NID1: variants seen among roughly 807,000 people sequenced by gnomAD.
NID1 encodes the protein nidogen-1.
Under a neutral mutation model 130.6 loss-of-function variants are expected in NID1, and 76 were observed. The ratio of observed to expected loss-of-function variants is 0.58; its 90% CI spans 0.48 to 0.70. NID1 has a LOEUF of 0.70. Among genes scored for constraint, NID1 ranks in the 30% least tolerant of loss-of-function variants. The probability of loss-of-function intolerance (pLI) is 0.00; values close to 1 mark genes in which losing one functional copy is unlikely to be tolerated. For synonymous variants in NID1, 665 were observed against 675.1 expected, an observed-to-expected ratio of 0.98 and a Z score of 0.23; for missense variants, 1,517 against 1,664.8, an observed-to-expected ratio of 0.91 and a Z score of 1.54.
intron 9 of NID1, 76 bp downstream of exon 9, chr1:236,023,994 C>A: frequency 6.3e-7 from 1 of 1,576,170 alleles, no homozygotes; most frequent in Non-Finnish European, 8.6e-7. Flanking sequence ...GCACCCAGTT[C>A]TCTGGTTTAC....
intron 10 of NID1, among the ~76,000 whole-genome samples, chr1:236,015,077 C>G (rs546231308): frequency 6.6e-6 from 1 of 152,344 alleles, no homozygotes; most frequent in African/African-American, 2.4e-5. Flanking sequence ...GCCTGAGCCC[C>G]CAGCCCCTCA....
At chr1:236,025,591 G>C (rs978108281) in intron 8 of NID1, among the ~76,000 whole-genome samples, 1 of 152,132 alleles carries the variant, frequency 6.6e-6, no homozygotes, top group African/African-American at 2.4e-5. Flanking sequence ...GAATATTAAA[G>C]GGTTTTAAAA....
intron 5 of NID1, among the ~76,000 whole-genome samples, chr1:236,034,266 C>G (rs112393396): frequency 0.023 from 3,464 of 151,760 alleles, 123 homozygotes; most frequent in African/African-American, 0.076. Context: ...ACTAAAAATA[C>G]AAAAAATTAG....
chr1:236,048,831 G>A lies in NID1; in HGVS notation c.384C>T (p.Pro128=). 2 of 1,614,170 alleles carry A rather than the reference G, an allele frequency of 1.2e-6. No homozygotes were observed. Among genetic ancestry groups the A allele is most frequent in the Non-Finnish European group, 8.5e-7 (1 of 1,180,026 alleles). ...ACTCTGCTGCTCGCTGAGTGATGGA[G>A]GGGGATAAGTCTTCTCGATAATAAA... is the stretch of plus-strand genomic sequence containing the variant. ...GKVYYREDLS[P]SITQRAAECV... Residue 128 remains proline, a synonymous_variant, in exon 2 of 20, where the codon CCC becomes CCT. Coordinates refer to ENST00000264187, the MANE Select transcript of NID1 (RefSeq NM_002508.3).
chr1:236,049,335 C>A (rs998734627), intron 1 of NID1, among the ~76,000 whole-genome samples: 1 of 152,074 alleles, frequency 6.6e-6, no homozygotes, highest in African/African-American at 2.4e-5. Flanking sequence ...AAAAATTAGC[C>A]AGGCTTGGTA....
chr1:236,059,193 G>A (rs1010268600), intron 1 of NID1, among the ~76,000 whole-genome samples: 5 of 152,222 alleles, frequency 3.3e-5, no homozygotes, highest in Admixed American at 6.5e-5. Flanking sequence ...ACACTTGGCT[G>A]CCTAGTTTAG....
At position 235,985,450 on chromosome 1, in the gene NID1, G is replaced by A. The variant is rs761573061; in HGVS notation, c.2984C>T (p.Thr995Met). 3.7e-6 allele frequency: 6 copies of A among 1,613,950 alleles called. No individual in the cohort carries two copies. The highest frequency in any genetic ancestry group is 1.6e-4 in the Middle Eastern group (1 of 6,062). The change falls in exon 15 of 20, where the codon ACG becomes ATG. Residue 995 changes from threonine (T) to methionine (M), a missense_variant. Coordinates refer to ENST00000264187, the MANE Select transcript of NID1 (RefSeq NM_002508.3). ...CCCAATGGAAGGCTCAGTGATGTCCGTCCAGTAAACCATCTTGTCCACGCA... is the reference window on the plus strand; with the variant it reads ...CCCAATGGAAGGCTCAGTGATGTCCATCCAGTAAACCATCTTGTCCACGCA... ...FDCVDKMVYW[T>M]DITEPSIGRA...
intron 12 of NID1, 57 bp from the exon 13 acceptor site, chr1:235,993,929 C>A (rs1572582303): frequency 6.6e-7 from 1 of 1,525,410 alleles, no homozygotes; most frequent in Non-Finnish European, 8.9e-7. Context: ...TCAGCGCTCC[C>A]TGGCGGGGCT....
At chr1:236,004,973 G>A (rs1049956438) in intron 12 of NID1, among the ~76,000 whole-genome samples, 2 of 151,724 alleles carry the variant, frequency 1.3e-5, no homozygotes, top group South Asian at 2.1e-4. Context: ...TTGGGAGTTC[G>A]AGACCAGCCT....
rs57769010 is a variant in NID1, at chr1:236,063,153, C to CAA, written c.225+1700_225+1701dup. ...TGTGCAACAGAGTGAGACTTCATCT[C>CAA]AAAAAAAAAAAAAAAAAAAAAAGTA... is the stretch of plus-strand genomic sequence containing the variant. On this transcript the variant is annotated intron_variant, in intron 1 of 19. Transcript: ENST00000264187. 4.0e-3 allele frequency among the ~76,000 whole-genome samples: 321 copies of CAA among 79,502 alleles called. 10 individuals carry two copies. The highest frequency in any genetic ancestry group is 0.012 in the African/African-American group (195 of 15,704). 52.2% of individuals were successfully genotyped at this position (79,502 alleles called of 152,430 possible).
rs190705054 is a variant in NID1, at chr1:236,003,672, C to G, written c.2527+8249G>C. 2.2e-4 allele frequency among the ~76,000 whole-genome samples: 33 copies of G among 152,310 alleles called. 1 individual carries two copies. In the South Asian group the frequency reaches 3.7e-3, roughly 17 times the overall value. On this transcript the variant is annotated intron_variant, in intron 12 of 19. Transcript: ENST00000264187. ...ATCACTTGAGGCCAGGATTTCGAGA[C>G]AAGCCTGGCAAATATGGTGAAACCC...
chr1:235,986,686 T>C (rs1657584164), intron 14 of NID1, among the ~76,000 whole-genome samples: 1 of 152,208 alleles, frequency 6.6e-6, no homozygotes, highest in African/African-American at 2.4e-5. Context: ...GGTCTCGAAC[T>C]CCTGAGCTCA....
chr1:236,012,119 C>T, intron 11 of NID1, 76 bp from the exon 12 acceptor site: 2 of 1,565,296 alleles, frequency 1.3e-6, no homozygotes, highest in Non-Finnish European at 1.7e-6. Flanking sequence ...ATTTAAGCCA[C>T]TTACTCAAAT....
chr1:235,990,803 G>T, intron 14 of NID1, 83 bp downstream of exon 14: 2 of 1,491,476 alleles, frequency 1.3e-6, no homozygotes, highest in East Asian at 2.3e-5. Context: ...TTGAGCCTGG[G>T]GTTCTGGTCT....
In NID1 at chr1:236,061,609, G is replaced by A. The variant is rs77233049; in HGVS notation, c.225+3246C>T. On this transcript the variant is annotated intron_variant, in intron 1 of 19. Transcript: ENST00000264187. ...GCCTCCTGAGTAGCTGAGATTACAG[G>A]TGCACGCCACCACACCTGGCTGTTT... Among the ~76,000 whole-genome samples, 155 of 152,102 alleles carry A rather than the reference G, an allele frequency of 1.0e-3. 1 individual carries two copies. In the East Asian group the frequency reaches 0.024, roughly 23 times the overall value.
intron 15 of NID1, among the ~76,000 whole-genome samples, chr1:235,982,847 A>T (rs1410962149): frequency 6.6e-6 from 1 of 152,122 alleles, no homozygotes; most frequent in Non-Finnish European, 1.5e-5. Context: ...CTGGGGTATG[A>T]GGCAACCATT....
chr1:236,012,817 C>G (rs949338146), intron 11 of NID1, among the ~76,000 whole-genome samples: 1 of 152,164 alleles, frequency 6.6e-6, no homozygotes, highest in Non-Finnish European at 1.5e-5. Flanking sequence ...TAGAAATACT[C>G]TATGGTATAA....
At chr1:235,996,896 G>A (rs1257338255) in intron 12 of NID1, among the ~76,000 whole-genome samples, 5 of 152,092 alleles carry the variant, frequency 3.3e-5, no homozygotes, top group Admixed American at 1.3e-4. Flanking sequence ...GTGCAGTGGC[G>A]CGATCTCGGC....
At chr1:236,018,258 G>A (rs1038305284) in intron 9 of NID1, among the ~76,000 whole-genome samples, 5 of 152,196 alleles carry the variant, frequency 3.3e-5, no homozygotes, top group Admixed American at 1.3e-4. Context: ...TCTTGGGCAA[G>A]TTATCCAACT....
Sources: gnomAD v4.1 joint callset for allele counts (sites outside exome capture counted in the v4.1 genomes callset) on GRCh38, gnomAD v4.1.1 for gene constraint, MANE v1.5 for transcripts, NCBI Gene and HGNC (gene_info 2026-07-23, HGNC 2026-07-21) for gene names.